The following DNAI4 variants were observed in gnomAD, a reference collection of about 807,000 sequenced individuals.
The protein encoded by DNAI4 is WD repeat domain 78.
A neutral mutation model predicts 105.8 loss-of-function variants in DNAI4; 85 were observed. The observed-to-expected ratio is 0.80, with a 90% CI of 0.67 to 0.96. DNAI4 has a LOEUF of 0.96. Among genes scored for constraint, DNAI4 ranks in the 40% least tolerant of loss-of-function variants. DNAI4 has a pLI of 0.00. For synonymous variants in DNAI4, 352 were observed against 331.5 expected, an observed-to-expected ratio of 1.06 and a Z score of -0.67; for missense variants, 1,014 against 1,005.6, an observed-to-expected ratio of 1.01 and a Z score of -0.11.
At chr1:66,865,068 A>C (rs1646704334) in intron 6 of DNAI4, among the ~76,000 whole-genome samples, 1 of 152,230 alleles carries the variant, frequency 6.6e-6, no homozygotes, top group African/African-American at 2.4e-5. Context: ...ATTTCATAAT[A>C]AAGTTTTTAA....
At chr1:66,814,439 G>A (rs1469623199) in intron 16 of DNAI4, among the ~76,000 whole-genome samples, 1 of 152,018 alleles carries the variant, frequency 6.6e-6, no homozygotes, top group Non-Finnish European at 1.5e-5. Context: ...TGCAATCTCG[G>A]CTCACTGTAA....
intron 14 of DNAI4, among the ~76,000 whole-genome samples, chr1:66,827,281 C>A (rs2100372991): frequency 6.6e-6 from 1 of 151,596 alleles, no homozygotes; most frequent in South Asian, 2.1e-4. Context: ...ATTATGCATA[C>A]TTTGAAAAAA....
intron 2 of DNAI4, among the ~76,000 whole-genome samples, chr1:66,902,537 TAGAC>T (rs1648911788): frequency 6.6e-6 from 1 of 152,216 alleles, no homozygotes; most frequent in Non-Finnish European, 1.5e-5. Context: ...TGTCTTTTGA[TAGAC>T]AGAAATTTCT....
chr1:66,910,063 A>G (rs965631856), intron 1 of DNAI4, among the ~76,000 whole-genome samples: 2 of 152,088 alleles, frequency 1.3e-5, no homozygotes, highest in Non-Finnish European at 2.9e-5. Context: ...AAACACATGT[A>G]AGGGTTGGGC....
intron 4 of DNAI4, among the ~76,000 whole-genome samples, chr1:66,885,252 C>T (rs989877538): frequency 6.6e-6 from 1 of 152,136 alleles, no homozygotes; most frequent in African/African-American, 2.4e-5. Context: ...TTTTATGGCC[C>T]AGAATGTGGT....
intron 10 of DNAI4, among the ~76,000 whole-genome samples, chr1:66,836,317 AAAGAAAG>A (rs1646024577): frequency 7.1e-6 from 1 of 141,192 alleles, no homozygotes; most frequent in Non-Finnish European, 1.6e-5. Flanking sequence ...AGAAAGAAAG[AAAGAAAG>A]AAGGAAAGAG....
intron 1 of DNAI4, among the ~76,000 whole-genome samples, chr1:66,922,294 T>C (rs1300883589): frequency 6.7e-6 from 1 of 148,506 alleles, no homozygotes; most frequent in East Asian, 2.0e-4. Flanking sequence ...TGAAGTATTA[T>C]TACTTTATAT....
At chr1:66,827,662 G>A (rs1281802540) in intron 14 of DNAI4, 150 bp downstream of exon 14, 1 of 402,976 alleles carries the variant, frequency 2.5e-6, no homozygotes, top group Non-Finnish European at 4.5e-6. Flanking sequence ...TACATTATTG[G>A]TGGTTTCCAT....
At chr1:66,900,727 A>G (rs1434601433) in intron 2 of DNAI4, among the ~76,000 whole-genome samples, 2 of 152,178 alleles carry the variant, frequency 1.3e-5, no homozygotes, top group Admixed American at 6.5e-5. Context: ...AATACAATTC[A>G]TTTGCATATT....
In DNAI4 at chr1:66,871,397, A is replaced by C. The variant is rs1171180660; in HGVS notation, c.913T>G (p.Cys305Gly). ...NGAPKNKDVQCDKIIMEDKGI... is the reference protein window; with the variant it reads ...NGAPKNKDVQGDKIIMEDKGI... ...TTATCTTCCATTATGATTTTATCAC[A>C]TTGAACATCTTTATTCTTTGGTGCT... The change falls in exon 6 of 17, where the codon TGT becomes GGT. Residue 305 changes from cysteine to glycine, a missense_variant. Transcript: ENST00000371026. The C allele has an allele frequency of 2.5e-6, 4 of 1,610,370 alleles. No homozygotes were observed.
intron 7 of DNAI4, among the ~76,000 whole-genome samples, chr1:66,852,901 T>C (rs1186988582): frequency 6.6e-6 from 1 of 152,156 alleles, no homozygotes. Context: ...CATGTAAGGA[T>C]ACAAGAAGTT....
At chr1:66,834,693 C>T (rs1226225345) in intron 11 of DNAI4, among the ~76,000 whole-genome samples, 2 of 152,072 alleles carry the variant, frequency 1.3e-5, no homozygotes, top group Non-Finnish European at 2.9e-5. Context: ...ACTCACTTCT[C>T]AGATTACTGA....
intron 1 of DNAI4, among the ~76,000 whole-genome samples, chr1:66,923,883 C>T (rs1650820794): frequency 6.6e-6 from 1 of 152,230 alleles, no homozygotes; most frequent in African/African-American, 2.4e-5. Context: ...GTCCACACAG[C>T]TGTGTGCTTT....
At chr1:66,923,498 G>T (rs1650722522) in intron 1 of DNAI4, among the ~76,000 whole-genome samples, 2 of 152,202 alleles carry the variant, frequency 1.3e-5, no homozygotes, top group South Asian at 4.1e-4. Flanking sequence ...ACCAAGACAA[G>T]AACTAGGAAG....
chr1:66,904,510 T>C (rs1484312224), intron 2 of DNAI4, among the ~76,000 whole-genome samples: 2 of 152,160 alleles, frequency 1.3e-5, no homozygotes, highest in Non-Finnish European at 2.9e-5. Context: ...TCAAGTATTT[T>C]GCTAATTTTT....
chr1:66,846,965 G>A (rs1316456527), intron 8 of DNAI4, among the ~76,000 whole-genome samples: 1 of 152,214 alleles, frequency 6.6e-6, no homozygotes, highest in Admixed American at 6.5e-5. Context: ...AGATTTGGGA[G>A]TAGTAATAAA....
At chr1:66,917,009 T>C (rs145718655) in intron 1 of DNAI4, among the ~76,000 whole-genome samples, 298 of 152,268 alleles carry the variant, frequency 2.0e-3, no homozygotes, top group African/African-American at 6.5e-3. Context: ...CTTTCCAAAA[T>C]CAATTTATAA....
chr1:66,880,468 G>A (rs953910136), intron 4 of DNAI4, among the ~76,000 whole-genome samples: 1 of 152,158 alleles, frequency 6.6e-6, no homozygotes, highest in Admixed American at 6.5e-5. Flanking sequence ...TGGAAATGAA[G>A]GGCTCGTTGG....
intron 10 of DNAI4, among the ~76,000 whole-genome samples, chr1:66,836,864 T>C (rs1427270924): frequency 6.6e-6 from 1 of 152,236 alleles, no homozygotes; most frequent in Admixed American, 6.5e-5. Context: ...GCATTTCAGT[T>C]GTGAATTTAA....
Sources: allele counts gnomAD v4.1 joint callset (sites outside exome capture counted in the v4.1 genomes callset), GRCh38; gene constraint gnomAD v4.1.1; transcripts MANE v1.5; gene names NCBI Gene and HGNC (gene_info 2026-07-23, HGNC 2026-07-21).